The following MFAP3L variants were observed in gnomAD, a reference collection of about 807,000 sequenced individuals.
MFAP3L encodes microfibril associated protein 3 like.
MFAP3L carries 5 observed loss-of-function variants against 20.0 expected under a neutral mutation model. The ratio of observed to expected loss-of-function variants is 0.25; its 90% confidence interval spans 0.13 to 0.53. MFAP3L has a LOEUF of 0.53. Among genes scored for constraint, MFAP3L ranks in the 20% least tolerant of loss-of-function variants. MFAP3L has a pLI of 0.96. For missense variants in MFAP3L, 409 were observed against 527.5 expected, an observed-to-expected ratio of 0.78 and a Z score of 2.20; for synonymous variants, 219 against 213.0, an observed-to-expected ratio of 1.03 and a Z score of -0.25.
chr4:170,003,433 TGAA>T (rs1021234727), intron 2 of MFAP3L, among the ~76,000 whole-genome samples: 16 of 152,132 alleles, frequency 1.1e-4, no homozygotes, highest in Non-Finnish European at 1.0e-4. Context: ...AATACACAGA[TGAA>T]GGAGGGACGG....
chr4:170,016,316 C>T (rs11727880), intron 1 of MFAP3L, among the ~76,000 whole-genome samples: 67,770 of 152,022 alleles, frequency 0.45, 15,367 homozygotes, highest in East Asian at 0.72. Context: ...ACTACGCTCG[C>T]TCAATCCCCA....
chr4:170,025,352 C>T (rs1287145253), intron 1 of MFAP3L, among the ~76,000 whole-genome samples: 2 of 152,214 alleles, frequency 1.3e-5, no homozygotes, highest in Non-Finnish European at 2.9e-5. Flanking sequence ...TGCTCGGTTT[C>T]CAAGTTTTTA....
At chr4:170,019,877 G>A (rs1581525208) in intron 1 of MFAP3L, among the ~76,000 whole-genome samples, 1 of 152,162 alleles carries the variant, frequency 6.6e-6, no homozygotes, top group Admixed American at 6.5e-5. Context: ...CTCTAAGTAA[G>A]TTACAGTCTC....
At position 169,986,665 on chromosome 4, in the gene MFAP3L, T is replaced by G. The variant is rs1335294517; in HGVS notation, c.*4713A>C. The G allele has an allele frequency of 6.6e-6, 1 of 152,348 alleles. No homozygotes were observed. Among genetic ancestry groups the G allele is most frequent in the Non-Finnish European group, 1.5e-5 (1 of 68,024 alleles). 9.4% of individuals were successfully genotyped at this position (152,348 alleles called of 1,614,324 possible). On this transcript the variant is annotated 3_prime_UTR_variant, in exon 3 of 3. Transcript: ENST00000361618. ...ATACAGGATGGATCACATGGTTTTCTGTTTTTGCTACTGTAATACCAACTT... is the reference window on the plus strand; with the variant it reads ...ATACAGGATGGATCACATGGTTTTCGGTTTTTGCTACTGTAATACCAACTT...
At position 169,991,398 on chromosome 4, in the gene MFAP3L, T is replaced by C. The variant is rs143878233; in HGVS notation, c.1210A>G (p.Ile404Val). 9.9e-5 allele frequency: 160 copies of C among 1,613,732 alleles called. 1 individual carries two copies. The African/African-American group carries it at 1.9e-3, about 19-fold the overall frequency. Reference protein sequence around the residue: ...AVTHDKNTCIIYESHV With the variant: ...AVTHDKNTCIVYESHV ...TGGTATTAGACATGGCTTTCGTAAA[T>C]AATGCAGGTGTTTTTGTCATGTGTC... is the stretch of plus-strand genomic sequence containing the variant. The change falls in exon 3 of 3, where the codon ATT becomes GTT. Residue 404 changes from isoleucine (I) to valine (V), a missense_variant. Ile to Val is a conservative substitution (Grantham distance 29). Transcript: ENST00000361618. This position sits in a 1 kb window ranked among gnomAD's most constrained non-coding sequence, Gnocchi z 4.9.
intron 1 of MFAP3L, among the ~76,000 whole-genome samples, chr4:170,015,985 C>T (rs761287832): frequency 6.6e-6 from 1 of 152,000 alleles, no homozygotes; most frequent in Non-Finnish European, 1.5e-5. Context: ...TTCAGAGAGG[C>T]CTTGAGTCTA....
intron 1 of MFAP3L, among the ~76,000 whole-genome samples, chr4:170,023,777 C>A (rs1368244931): frequency 6.6e-6 from 1 of 152,074 alleles, no homozygotes; most frequent in Non-Finnish European, 1.5e-5. Context: ...AACTTGGCTA[C>A]AATATTTATT....
chr4:170,021,857 A>C (rs562074763), intron 1 of MFAP3L, among the ~76,000 whole-genome samples: 1 of 152,314 alleles, frequency 6.6e-6, no homozygotes, highest in Admixed American at 6.5e-5. Context: ...CACATCCCCC[A>C]ACACCAACGT....
Position 169,987,074 on chromosome 4 carries a change from CATATG to C in MFAP3L, c.*4299_*4303del, listed in dbSNP as rs1375203753. 6.6e-6 allele frequency: 1 copy of C among 152,174 alleles called. No homozygotes were observed. Among genetic ancestry groups the C allele is most frequent in the Non-Finnish European group, 1.5e-5 (1 of 68,004 alleles). 9.4% of individuals were successfully genotyped at this position (152,174 alleles called of 1,614,324 possible). A position where few individuals can be genotyped will look rare whatever the true frequency, so the allele number is the denominator to read the frequency against. On this transcript the variant is annotated 3_prime_UTR_variant, in exon 3 of 3. Transcript: ENST00000361618. ...ATCTGTTAAAGATCATTATCATCCT[CATATG>C]ATATCTTCGTGAATAAAAGATAAAT...
intron 1 of MFAP3L, among the ~76,000 whole-genome samples, chr4:170,006,270 G>A (rs947916698): frequency 6.6e-6 from 1 of 151,960 alleles, no homozygotes; most frequent in Admixed American, 6.5e-5. Context: ...CCACCAACAT[G>A]TCTGGCTAAT....
chr4:170,000,342 A>G (rs1041132731), intron 2 of MFAP3L, among the ~76,000 whole-genome samples: 7 of 152,334 alleles, frequency 4.6e-5, no homozygotes, highest in African/African-American at 1.7e-4. Flanking sequence ...TGAGAAATTG[A>G]GAGAGAGGAT....
rs1359427902 is a variant in MFAP3L, at chr4:169,986,693, ATGAG to A, written c.*4681_*4684del. 5.9e-5 allele frequency: 9 copies of A among 152,200 alleles called. No homozygotes were observed. The highest frequency in any genetic ancestry group is 2.2e-4 in the African/African-American group (9 of 41,458). 9.4% of individuals were successfully genotyped at this position (152,200 alleles called of 1,614,324 possible). On this transcript the variant is annotated 3_prime_UTR_variant, in exon 3 of 3. Coordinates refer to ENST00000361618, the MANE Select transcript of MFAP3L (RefSeq NM_021647.8). Reference sequence around the variant, plus strand: ...TTTTGCTACTGTAATACCAACTTATATGAGTAACTTGTTTACAACTTTATTTTTA... The same window carrying A: ...TTTTGCTACTGTAATACCAACTTATATAACTTGTTTACAACTTTATTTTTA...
intron 1 of MFAP3L, among the ~76,000 whole-genome samples, chr4:170,007,871 G>A (rs1455361673): frequency 1.3e-5 from 2 of 152,124 alleles, no homozygotes; most frequent in Non-Finnish European, 1.5e-5. Context: ...GACAAGGCAG[G>A]TTGGGAGATG....
At position 169,987,085 on chromosome 4, in the gene MFAP3L, T is replaced by C. The variant is rs989556120; in HGVS notation, c.*4293A>G. 6.6e-6 allele frequency: 1 copy of C among 152,214 alleles called. No homozygotes were observed. Among genetic ancestry groups the C allele is most frequent in the East Asian group, 1.9e-4 (1 of 5,200 alleles). The allele number at this position is 152,214 out of a possible 1,614,324, so 9.4% of individuals were successfully genotyped here. A position where few individuals can be genotyped will look rare whatever the true frequency, so the allele number is the denominator to read the frequency against. ...ATCATTATCATCCTCATATGATATC[T>C]TCGTGAATAAAAGATAAATGCTCAG... On this transcript the variant is annotated 3_prime_UTR_variant, in exon 3 of 3. Coordinates refer to ENST00000361618, the MANE Select transcript of MFAP3L (RefSeq NM_021647.8).
At position 170,005,960 on chromosome 4, in the gene MFAP3L, T is replaced by G; in HGVS notation, c.-83A>C. ...CAGACAACACACTGTTCACAGCAGG[T>G]CATGGGACAAACCTGTCCTGGGTCC... On this transcript the variant is annotated 5_prime_UTR_variant, in exon 2 of 3. Coordinates refer to ENST00000361618, the MANE Select transcript of MFAP3L (RefSeq NM_021647.8). 6.6e-7 allele frequency: 1 copy of G among 1,515,650 alleles called. No individual in the cohort carries two copies. The highest frequency in any genetic ancestry group is 8.9e-7 in the Non-Finnish European group (1 of 1,129,590). The allele number at this position is 1,515,650 out of a possible 1,614,324, so 93.9% of individuals were successfully genotyped here.
At chr4:170,004,631 T>C (rs1738910684) in intron 2 of MFAP3L, among the ~76,000 whole-genome samples, 1 of 152,154 alleles carries the variant, frequency 6.6e-6, no homozygotes, top group African/African-American at 2.4e-5. Flanking sequence ...CCTCTATTCT[T>C]TTTTCAGGGC....
chr4:169,994,648 C>T, intron 2 of MFAP3L: 3 of 675,512 alleles, frequency 4.4e-6, no homozygotes, highest in Non-Finnish European at 5.5e-6. Context: ...CTTACAGGCA[C>T]TTCAAACATT....
chr4:170,024,526 T>C (rs577057712), intron 1 of MFAP3L, among the ~76,000 whole-genome samples: 1 of 152,354 alleles, frequency 6.6e-6, no homozygotes, highest in East Asian at 1.9e-4. Context: ...TGCATTTTTA[T>C]AGAAAAGAGA....
chr4:170,018,734 C>T (rs563999156), intron 1 of MFAP3L, among the ~76,000 whole-genome samples: 46 of 152,074 alleles, frequency 3.0e-4, no homozygotes, highest in African/African-American at 1.1e-3. Context: ...CAGAGCTGGA[C>T]TCAAAGACCA....
Sources: allele counts gnomAD v4.1 joint callset (sites outside exome capture counted in the v4.1 genomes callset), GRCh38; gene constraint gnomAD v4.1.1; non-coding constraint Gnocchi (gnomAD v3.1); transcripts MANE v1.5; gene names NCBI Gene and HGNC (gene_info 2026-07-23, HGNC 2026-07-21).